Variants in NOX3 observed in about 807,000 individuals in gnomAD.
NOX3 encodes the protein NADPH oxidase catalytic subunit-like 3.
In NOX3, 74 loss-of-function variants were observed where a neutral mutation model predicts 76.7. The observed-to-expected ratio is 0.96, with a 90% CI of 0.80 to 1.17. The LOEUF is 1.17. NOX3 is among the 50% of genes most tolerant of loss of function. The pLI is 0.00. For synonymous variants in NOX3, 263 were observed against 261.1 expected (o/e 1.01, Z -0.07); for missense variants, 695 against 703.3 (o/e 0.99, Z 0.13).
chr6:155,397,585 C>T (rs162997), intron 12 of NOX3, among the ~76,000 whole-genome samples: 3,365 of 152,232 alleles, frequency 0.022, 55 homozygotes, highest in African/African-American at 0.049. Context: ...GTAGTATCTG[C>T]GTGGTCTTGG....
At chr6:155,452,986 CTTTCT>C (rs1177561955) in intron 4 of NOX3, among the ~76,000 whole-genome samples, 6 of 152,136 alleles carry the variant, frequency 3.9e-5, no homozygotes, top group Non-Finnish European at 7.4e-5. Context: ...CTCACATGAT[CTTTCT>C]TTTCTTTTTT....
Position 155,436,539 on chromosome 6 carries a change from A to G in NOX3, c.677T>C (p.Val226Ala), listed in dbSNP as rs767886132. ...SLAIHGTGRIVRGQTQDSLSL... is the reference protein window; with the variant it reads ...SLAIHGTGRIARGQTQDSLSL... Reference sequence around the variant, plus strand: ...GAGACTGTCTTGGGTTTGGCCTCGAACAATCCGACTTGTTATTTAAGAAAA... The same window carrying G: ...GAGACTGTCTTGGGTTTGGCCTCGAGCAATCCGACTTGTTATTTAAGAAAA... The change falls in exon 7 of 14, where the codon GTT (valine) becomes GCT (alanine). Residue 226 changes from valine to alanine, a missense_variant. Val to Ala is a moderately conservative substitution (Grantham distance 64, BLOSUM62 0). Coordinates refer to ENST00000159060, the MANE Select transcript of NOX3 (RefSeq NM_015718.3). The G allele has an allele frequency of 6.2e-7, 1 of 1,612,508 alleles. No homozygotes were observed. The highest frequency in any genetic ancestry group is 1.3e-5 in the African/African-American group (1 of 74,928).
rs749408483 is a variant in NOX3, at chr6:155,443,356, C to T, written c.403G>A (p.Ala135Thr). 1 of 1,613,942 alleles carries T rather than the reference C, an allele frequency of 6.2e-7. No individual in the cohort carries two copies. The highest frequency in any genetic ancestry group is 1.3e-5 in the African/African-American group (1 of 74,902). ...ERYHWSQSEE[A>T]QGLLAALSKL... Reference sequence around the variant, plus strand: ...GAAAGTGCGGCCAGAAGTCCCTGGGCCTCCTCGGACTGGCTCCAGTGGTAG... The same window carrying T: ...GAAAGTGCGGCCAGAAGTCCCTGGGTCTCCTCGGACTGGCTCCAGTGGTAG... The change falls in exon 5 of 14, where the codon GCC becomes ACC. Residue 135 changes from alanine (A) to threonine (T), a missense_variant. Physicochemically the swap from Ala to Thr is moderately conservative, Grantham distance 58. Transcript: ENST00000159060.
At chr6:155,448,971 C>T (rs1777100150) in intron 4 of NOX3, among the ~76,000 whole-genome samples, 2 of 152,102 alleles carry the variant, frequency 1.3e-5, no homozygotes, top group Non-Finnish European at 2.9e-5. Context: ...ACTCTGGCAC[C>T]CTGTGTGTGC....
intron 3 of NOX3, among the ~76,000 whole-genome samples, chr6:155,454,283 AG>A (rs2114712656): frequency 6.6e-6 from 1 of 152,326 alleles, no homozygotes. Flanking sequence ...ACCTGGTAAA[AG>A]TTTTTGAAGG....
At chr6:155,409,289 C>T (rs1378951841) in intron 11 of NOX3, among the ~76,000 whole-genome samples, 1 of 152,064 alleles carries the variant, frequency 6.6e-6, no homozygotes, top group Non-Finnish European at 1.5e-5. Context: ...GGACGTGTGA[C>T]TGTGCACAGT....
intron 4 of NOX3, among the ~76,000 whole-genome samples, chr6:155,447,995 A>T (rs1157123854): frequency 6.6e-6 from 1 of 152,238 alleles, no homozygotes; most frequent in Non-Finnish European, 1.5e-5. Context: ...AGGGCTACAG[A>T]GGTGGGATAA....
At chr6:155,431,413 A>ACACACACACAC (rs1776830964) in intron 7 of NOX3, among the ~76,000 whole-genome samples, 2 of 144,732 alleles carry the variant, frequency 1.4e-5, no homozygotes, top group East Asian at 4.2e-4. Context: ...TAAACACAGA[A>ACACACACACAC]ACACACACAC....
chr6:155,412,780 A>G (rs1355920763), intron 10 of NOX3, among the ~76,000 whole-genome samples: 1 of 152,192 alleles, frequency 6.6e-6, no homozygotes, highest in Non-Finnish European at 1.5e-5. Context: ...TTCAACAAAT[A>G]TGTATTGAGT....
intron 5 of NOX3, among the ~76,000 whole-genome samples, chr6:155,441,562 T>C (rs1037042126): frequency 3.3e-5 from 5 of 152,212 alleles, no homozygotes; most frequent in Admixed American, 2.6e-4. Context: ...TGCTCTATAA[T>C]GTACACTCTG....
chr6:155,436,325 G>T lies in NOX3; in HGVS notation c.798+93C>A, dbSNP rs370285604. 2.0e-5 allele frequency: 28 copies of T among 1,430,008 alleles called. No individual in the cohort carries two copies. In the African/African-American group the frequency reaches 2.3e-4, roughly 12 times the overall value. 88.6% of individuals were successfully genotyped at this position (1,430,008 alleles called of 1,614,324 possible). A position where few individuals can be genotyped will look rare whatever the true frequency, so the allele number is the denominator to read the frequency against. On this transcript the variant is annotated intron_variant, in intron 7 of 13. Coordinates refer to ENST00000159060, the MANE Select transcript of NOX3 (RefSeq NM_015718.3). ...AATAAAGAGTTGGCTTTGTCTAGTGGTGAAATGTGCTTTCTTTTTTCCAAG... is the reference window on the plus strand; with the variant it reads ...AATAAAGAGTTGGCTTTGTCTAGTGTTGAAATGTGCTTTCTTTTTTCCAAG...
At chr6:155,432,219 A>G (rs1338353508) in intron 7 of NOX3, among the ~76,000 whole-genome samples, 7 of 152,104 alleles carry the variant, frequency 4.6e-5, no homozygotes, top group African/African-American at 1.7e-4. Context: ...GGAACATTCA[A>G]TATCCTCTAA....
intron 12 of NOX3, among the ~76,000 whole-genome samples, chr6:155,405,503 C>A (rs1252387021): frequency 6.6e-6 from 1 of 152,150 alleles, no homozygotes; most frequent in African/African-American, 2.4e-5. Context: ...CTGAAATTCT[C>A]CCCTGAACGT....
intron 12 of NOX3, among the ~76,000 whole-genome samples, chr6:155,405,882 G>A (rs9322522): frequency 0.053 from 8,113 of 152,220 alleles, 678 homozygotes; most frequent in African/African-American, 0.17. Flanking sequence ...TCACTCTACT[G>A]CTCAAACCTG....
chr6:155,433,732 A>G (rs904813665), intron 7 of NOX3, among the ~76,000 whole-genome samples: 5 of 147,044 alleles, frequency 3.4e-5, no homozygotes, highest in Non-Finnish European at 5.9e-5. Flanking sequence ...GTTCATGGCC[A>G]CAGAGTTAGG....
In NOX3 at chr6:155,436,474, C is replaced by T. The variant is rs2114699887; in HGVS notation, c.742G>A (p.Glu248Lys). The part of the protein sequence containing the change: ...NITFCRDRYA[E>K]WQTVAQCPVP... ...GGGCATTGGGCCACTGTCTGCCATT[C>T]TGCATAGCGGTCTCTACAGAAGGTG... Residue 248 changes from glutamate to lysine, a missense_variant, in exon 7 of 14, where the codon GAA (glutamate) becomes AAA (lysine). Glu to Lys is a moderately conservative substitution (Grantham distance 56). Coordinates refer to ENST00000159060, the MANE Select transcript of NOX3 (RefSeq NM_015718.3). 1 of 1,614,162 alleles carries T rather than the reference C, an allele frequency of 6.2e-7. No individual in the cohort carries two copies. Among genetic ancestry groups the T allele is most frequent in the African/African-American group, 1.3e-5 (1 of 75,058 alleles).
chr6:155,401,044 C>T (rs1779218937), intron 12 of NOX3, among the ~76,000 whole-genome samples: 1 of 152,170 alleles, frequency 6.6e-6, no homozygotes, highest in Non-Finnish European at 1.5e-5. Context: ...CCCTTCCCCA[C>T]CCCAATAAAA....
intron 9 of NOX3, 104 bp from the exon 10 acceptor site, chr6:155,422,960 G>T: frequency 1.7e-6 from 2 of 1,156,744 alleles, no homozygotes; most frequent in Non-Finnish European, 2.5e-6. Flanking sequence ...GTTTGCCAGT[G>T]CATGCAGAGG....
intron 12 of NOX3, among the ~76,000 whole-genome samples, chr6:155,400,477 G>C (rs1203558410): frequency 2.0e-5 from 3 of 152,184 alleles, no homozygotes; most frequent in African/African-American, 7.2e-5. Context: ...TTAGAAAGAA[G>C]ATGAGAGCTA....
Sources: gnomAD v4.1 joint callset for allele counts (sites outside exome capture counted in the v4.1 genomes callset) on GRCh38, gnomAD v4.1.1 for gene constraint, MANE v1.5 for transcripts, NCBI Gene and HGNC (gene_info 2026-07-23, HGNC 2026-07-21) for gene names.